The following MBOAT4 variants were observed in gnomAD, a reference collection of about 807,000 sequenced individuals.
The protein encoded by MBOAT4 is membrane-bound ghrelin O-acyltransferase MBOAT4.
In MBOAT4, 11 loss-of-function variants were observed where a neutral mutation model predicts 13.2. The ratio of observed to expected loss-of-function variants is 0.84; its 90% CI spans 0.53 to 1.38. MBOAT4 has a LOEUF of 1.38. Among genes scored for constraint, MBOAT4 ranks in the 40% most tolerant of loss-of-function variants. The probability of loss-of-function intolerance (pLI) is 0.00; values close to 1 mark genes in which losing one functional copy is unlikely to be tolerated. For missense variants in MBOAT4, 481 were observed against 527.2 expected (o/e 0.91, Z 0.86); for synonymous variants, 202 against 210.3 (o/e 0.96, Z 0.34).
chr8:30,132,552 A>T lies in MBOAT4; in HGVS notation c.699T>A (p.Thr233=). 6.4e-7 allele frequency: 1 copy of T among 1,551,734 alleles called. No homozygotes were observed. ...SRVVDAGAGL[T]DCQQFECIYV... ...AGATGCACTCGAATTGCTGGCAATC[A>T]GTCAGTCCCGCTCCTGCATCCACCA... The change falls in exon 3 of 3, where the codon ACT becomes ACA. Residue 233 remains threonine, a synonymous_variant. Coordinates refer to ENST00000320542, the MANE Select transcript of MBOAT4 (RefSeq NM_001100916.2).
intron 2 of MBOAT4, among the ~76,000 whole-genome samples, chr8:30,135,945 A>G (rs1016876316): frequency 2.0e-5 from 3 of 151,868 alleles, no homozygotes; most frequent in African/African-American, 4.8e-5. Context: ...GAAAATTACA[A>G]TGACACACTC....
intron 2 of MBOAT4, chr8:30,137,822 G>A (rs1313144552): frequency 3.2e-5 from 10 of 311,270 alleles, no homozygotes; most frequent in Admixed American, 9.5e-5. Flanking sequence ...CAAATTAGCC[G>A]AAAGATTAGA....
Position 30,132,755 on chromosome 8 carries a change from A to C in MBOAT4, c.496T>G (p.Phe166Val). ...GCAGGGAAAAAGAGCAAGTAGCTGA[A>C]ATAGGGCAGTGCCTTACACACATGC... The part of the protein sequence containing the change: ...SEHVCKALPY[F>V]SYLLFFPALL... Residue 166 changes from phenylalanine (F) to valine (V), a missense_variant, in exon 3 of 3, where the codon TTC becomes GTC. Physicochemically the swap from Phe to Val is conservative, Grantham distance 50 (BLOSUM62 -1). Coordinates refer to ENST00000320542, the MANE Select transcript of MBOAT4 (RefSeq NM_001100916.2). 1 of 1,551,736 alleles carries C rather than the reference A, an allele frequency of 6.4e-7. No homozygotes were observed. The highest frequency in any genetic ancestry group is 8.7e-7 in the Non-Finnish European group (1 of 1,147,000).
chr8:30,138,851 C>T, intron 1 of MBOAT4, 95 bp from the exon 2 acceptor site: 1 of 866,952 alleles, frequency 1.2e-6, no homozygotes, highest in Middle Eastern at 3.5e-4. Context: ...ATCTGGTAGG[C>T]CCCACACAAC....
At position 30,131,842 on chromosome 8, in the gene MBOAT4, A is replaced by G; in HGVS notation, c.*101T>C. The G allele has an allele frequency of 7.1e-7, 1 of 1,401,592 alleles. No individual in the cohort carries two copies. Among genetic ancestry groups the G allele is most frequent in the Non-Finnish European group, 9.4e-7 (1 of 1,058,278 alleles). 86.8% of individuals were successfully genotyped at this position (1,401,592 alleles called of 1,614,324 possible). A position where few individuals can be genotyped will look rare whatever the true frequency, so the allele number is the denominator to read the frequency against. ...ATATCCATCCAAAACTTTAGAAAAA[A>G]TTTTATTATGGAAAAGTTCAAATGT... On this transcript the variant is annotated 3_prime_UTR_variant, in exon 3 of 3. Transcript: ENST00000320542.
rs150098506 is a variant in MBOAT4, at chr8:30,132,465, G to A, written c.786C>T (p.Asp262=). Residue 262 remains aspartate (D), a synonymous_variant, in exon 3 of 3, where the codon GAC becomes GAT. Transcript: ENST00000320542. The part of the protein sequence containing the change: ...KLTYYSHWIL[D]DSLLHAAGFG... ...AGCCCGCTGCGTGGAGGAGGGAGTCGTCCAGGATCCAGTGGGAGTAGTAGG... is the reference window on the plus strand; with the variant it reads ...AGCCCGCTGCGTGGAGGAGGGAGTCATCCAGGATCCAGTGGGAGTAGTAGG... The A allele has an allele frequency of 4.3e-5, 66 of 1,551,604 alleles. No individual in the cohort carries two copies. Among genetic ancestry groups the A allele is most frequent in the South Asian group, 8.3e-5 (7 of 84,068 alleles).
intron 2 of MBOAT4, chr8:30,137,985 G>A (rs1005089000): frequency 5.5e-6 from 1 of 181,106 alleles, no homozygotes; most frequent in African/African-American, 2.4e-5. Flanking sequence ...GTACTACCCA[G>A]ACCGATAAAC....
At chr8:30,141,687 A>G (rs1803263588) in intron 1 of MBOAT4, among the ~76,000 whole-genome samples, 1 of 152,108 alleles carries the variant, frequency 6.6e-6, no homozygotes, top group Admixed American at 6.6e-5. Flanking sequence ...AAGAAAAGAA[A>G]AAAGGACTCA....
intron 2 of MBOAT4, among the ~76,000 whole-genome samples, chr8:30,134,710 G>A (rs981069788): frequency 1.3e-5 from 2 of 151,920 alleles, no homozygotes; most frequent in Non-Finnish European, 2.9e-5. Flanking sequence ...ACCACGCCCA[G>A]CTAATTTTTG....
chr8:30,136,405 G>A (rs535852987), intron 2 of MBOAT4, among the ~76,000 whole-genome samples: 3 of 152,260 alleles, frequency 2.0e-5, no homozygotes, highest in South Asian at 2.1e-4. Context: ...CCCTGCTGAC[G>A]TCATCATCAG....
chr8:30,133,993 A>C (rs920186223), intron 2 of MBOAT4, among the ~76,000 whole-genome samples: 3 of 152,180 alleles, frequency 2.0e-5, no homozygotes, highest in African/African-American at 7.2e-5. Flanking sequence ...CCTATACAAA[A>C]AAATACTTTT....
chr8:30,134,434 C>CA (rs994330428), intron 2 of MBOAT4, among the ~76,000 whole-genome samples: 2,649 of 137,162 alleles, frequency 0.019, 65 homozygotes, highest in African/African-American at 0.06. Context: ...AAAAACAAAA[C>CA]AAAAAAAAAA....
At chr8:30,139,640 GT>G (rs774430960) in intron 1 of MBOAT4, among the ~76,000 whole-genome samples, 14 of 152,156 alleles carry the variant, frequency 9.2e-5, no homozygotes, top group South Asian at 4.1e-4. Context: ...TTAGGATTTT[GT>G]TTTGTTTTAT....
In MBOAT4 at chr8:30,132,790, G is replaced by C. The variant is rs144199295; in HGVS notation, c.461C>G (p.Ser154Cys). Reference protein sequence around the residue: ...AASGGFRSRSSLSEHVCKALP... With the variant: ...AASGGFRSRSCLSEHVCKALP... The stretch of plus-strand genomic sequence containing the variant: ...TGCCTTACACACATGCTCAGACAAA[G>C]AGCTCCTGCTCCTGAAGCCTCCAGA... Residue 154 changes from serine to cysteine, a missense_variant, in exon 3 of 3, where the codon TCT becomes TGT. Physicochemically the swap from Ser to Cys is moderately radical, Grantham distance 112. Transcript: ENST00000320542. 1.9e-6 allele frequency: 3 copies of C among 1,551,624 alleles called. No individual in the cohort carries two copies. The highest frequency in any genetic ancestry group is 1.7e-6 in the Non-Finnish European group (2 of 1,147,018).
At chr8:30,144,242 C>A (rs1312593624) in intron 1 of MBOAT4, among the ~76,000 whole-genome samples, 1 of 152,050 alleles carries the variant, frequency 6.6e-6, no homozygotes, top group Non-Finnish European at 1.5e-5. Context: ...TTAAGCAGGT[C>A]TCCTGCCTCC....
Position 30,144,658 on chromosome 8 carries a change from C to T in MBOAT4, c.-57G>A, listed in dbSNP as rs1413674475. 8.5e-7 allele frequency: 1 copy of T among 1,174,400 alleles called. No homozygotes were observed. Among genetic ancestry groups the T allele is most frequent in the Non-Finnish European group, 1.2e-6 (1 of 825,798 alleles). The allele number at this position is 1,174,400 out of a possible 1,614,324, so 72.7% of individuals were successfully genotyped here. A position where few individuals can be genotyped will look rare whatever the true frequency, so the allele number is the denominator to read the frequency against. On this transcript the variant is annotated 5_prime_UTR_variant, in exon 1 of 3. Coordinates refer to ENST00000320542, the MANE Select transcript of MBOAT4 (RefSeq NM_001100916.2). ...CAGTGTCCTTAACTGATGCCTTCCTCCAAGAGTAATCTCAACCAGGCTGTC... is the reference window on the plus strand; with the variant it reads ...CAGTGTCCTTAACTGATGCCTTCCTTCAAGAGTAATCTCAACCAGGCTGTC...
chr8:30,141,604 T>C (rs1803261668), intron 1 of MBOAT4, among the ~76,000 whole-genome samples: 1 of 151,812 alleles, frequency 6.6e-6, no homozygotes, highest in South Asian at 2.1e-4. Flanking sequence ...CACTGCTGCA[T>C]TCCAGCCTGG....
intron 1 of MBOAT4, 24 bp downstream of exon 1, chr8:30,144,459 A>G: frequency 1.4e-6 from 2 of 1,467,436 alleles, no homozygotes; most frequent in Non-Finnish European, 1.9e-6. Context: ...TGGATGTAAG[A>G]GTAAAAATAG....
intron 2 of MBOAT4, among the ~76,000 whole-genome samples, chr8:30,135,188 A>C (rs1803114324): frequency 6.6e-6 from 1 of 151,884 alleles, no homozygotes; most frequent in Non-Finnish European, 1.5e-5. Context: ...CACTGTGCCC[A>C]GCCCCATCAT....
Sources: gnomAD v4.1 joint callset for allele counts (sites outside exome capture counted in the v4.1 genomes callset) on GRCh38, gnomAD v4.1.1 for gene constraint, MANE v1.5 for transcripts, NCBI Gene and HGNC (gene_info 2026-07-23, HGNC 2026-07-21) for gene names.